Variants in TSC1 observed in about 807,000 individuals in gnomAD.
TSC1 encodes the protein hamartin.
In TSC1, 20 loss-of-function variants were observed where a neutral mutation model predicts 124.3. The observed-to-expected ratio is 0.16, with a 90% CI of 0.11 to 0.23. The LOEUF (loss-of-function observed/expected upper bound fraction) is 0.23, where lower values mean the gene tolerates loss of function less well. Among genes scored for constraint, TSC1 ranks in the 10% least tolerant of loss-of-function variants. The pLI is 1.00. For missense variants in TSC1, 1,124 were observed against 1,448.5 expected, an observed-to-expected ratio of 0.78 and a Z score of 3.64; for synonymous variants, 493 against 539.1, an observed-to-expected ratio of 0.91 and a Z score of 1.19.
intron 2 of TSC1, among the ~76,000 whole-genome samples, chr9:132,933,890 T>A (rs930430171): frequency 3.3e-5 from 5 of 152,156 alleles, no homozygotes; most frequent in African/African-American, 1.2e-4. Context: ...TGACTTTGGG[T>A]TCAAATTCAT....
chr9:132,944,395 G>C (rs1847949852), intron 1 of TSC1, 148 bp downstream of exon 1: 2 of 393,066 alleles, frequency 5.1e-6, no homozygotes, highest in Non-Finnish European at 9.0e-6. Flanking sequence ...GGAGGGGAGA[G>C]CTCTCCGAAC....
rs1333924850 is a variant in TSC1, at chr9:132,897,701, G to A, written c.2626-91C>T. ...TTGAAAAGACAATGTAAGAAGGACT[G>A]AGAAGGCATTTTAGTATACTGATAA... On this transcript the variant is annotated intron_variant, in intron 20 of 22. Transcript: ENST00000298552. 4 of 1,516,972 alleles carry A rather than the reference G, an allele frequency of 2.6e-6. No homozygotes were observed. In the African/African-American group the frequency reaches 4.2e-5, roughly 16 times the overall value. 94.0% of individuals were successfully genotyped at this position (1,516,972 alleles called of 1,614,324 possible).
Position 132,911,242 on chromosome 9 carries a change from G to C in TSC1, c.1030-129C>G, listed in dbSNP as rs552394727. On this transcript the variant is annotated intron_variant, in intron 10 of 22. Transcript: ENST00000298552. ...TAGAAAAAGGCATCTTATTAAAAGC[G>C]TATCAAGAAACAAGTTGCATTTTGT... The C allele has an allele frequency of 1.7e-5, 15 of 857,314 alleles. No homozygotes were observed. The African/African-American group carries it at 1.8e-4, about 11-fold the overall frequency. The allele number at this position is 857,314 out of a possible 1,614,324, so 53.1% of individuals were successfully genotyped here.
chr9:132,906,957 G>A lies in TSC1; in HGVS notation c.1334-122C>T. The A allele has an allele frequency of 1.2e-6, 1 of 816,106 alleles. No homozygotes were observed. The highest frequency in any genetic ancestry group is 2.1e-6 in the Non-Finnish European group (1 of 484,644). The allele number at this position is 816,106 out of a possible 1,614,324, so 50.6% of individuals were successfully genotyped here. ...TCTTCATGCTGAACAGAGAAGGCTG[G>A]ACATGGCTCTGTCCTGGGGATACTA... On this transcript the variant is annotated intron_variant, in intron 13 of 22. Coordinates refer to ENST00000298552, the MANE Select transcript of TSC1 (RefSeq NM_000368.5). This position sits in a 1 kb window ranked among gnomAD's most constrained non-coding sequence, Gnocchi z 4.1.
intron 6 of TSC1, among the ~76,000 whole-genome samples, chr9:132,922,235 C>CT (rs1441560867): frequency 6.6e-6 from 1 of 152,222 alleles, no homozygotes; most frequent in Non-Finnish European, 1.5e-5. Context: ...TCTTCCTGAT[C>CT]TAACTTCTGC....
intron 8 of TSC1, among the ~76,000 whole-genome samples, chr9:132,913,743 G>A (rs777691964): frequency 6.7e-5 from 10 of 148,706 alleles, no homozygotes; most frequent in South Asian, 2.1e-4. Context: ...GGAGAATGGC[G>A]TGAACCCAGG....
rs578163954 is a variant in TSC1 at position 132,892,906 on chromosome 9, C to A, written c.*3329G>T. ...AACAACTGCTAGAGTTTTATCTTTCCCAACAAATATACCAGAAACTATGTG... is the reference window on the plus strand; with the variant it reads ...AACAACTGCTAGAGTTTTATCTTTCACAACAAATATACCAGAAACTATGTG... On this transcript the variant is annotated 3_prime_UTR_variant, in exon 23 of 23. Coordinates refer to ENST00000298552, the MANE Select transcript of TSC1 (RefSeq NM_000368.5). 4 of 233,258 alleles carry A rather than the reference C, an allele frequency of 1.7e-5. No individual in the cohort carries two copies. In the East Asian group the frequency reaches 1.8e-4, roughly 11 times the overall value. 14.4% of individuals were successfully genotyped at this position (233,258 alleles called of 1,614,324 possible).
intron 8 of TSC1, among the ~76,000 whole-genome samples, chr9:132,914,195 C>T (rs951500315): frequency 2.6e-5 from 4 of 151,996 alleles, no homozygotes; most frequent in Non-Finnish European, 4.4e-5. Flanking sequence ...CCACTGTACC[C>T]GGCCAAGAAT....
chr9:132,940,479 C>G (rs1019070628), intron 1 of TSC1, among the ~76,000 whole-genome samples: 1 of 152,164 alleles, frequency 6.6e-6, no homozygotes, highest in Non-Finnish European at 1.5e-5. Context: ...CCCACCACCA[C>G]CAAAGTTAAG....
chr9:132,941,238 A>C (rs1847723279), intron 1 of TSC1: 2 of 152,248 alleles, frequency 1.3e-5, no homozygotes, highest in South Asian at 4.1e-4. Flanking sequence ...GTTAGCACTG[A>C]ACGAGAGAAA....
chr9:132,940,627 T>C (rs1300817441), intron 1 of TSC1: 1 of 152,210 alleles, frequency 6.6e-6, no homozygotes, highest in Admixed American at 6.5e-5. Context: ...TAAGTGACTA[T>C]AGGCAACTTA....
chr9:132,910,837 G>C, intron 11 of TSC1, 145 bp from the exon 12 acceptor site: 1 of 1,386,130 alleles, frequency 7.2e-7, no homozygotes, highest in South Asian at 1.2e-5. Context: ...TCTCTTTTTT[G>C]TTTTTAGGTT....
In TSC1 at chr9:132,919,214, G is replaced by A. The variant is rs372769290; in HGVS notation, c.737+2149C>T. Among the ~76,000 whole-genome samples, 9 of 152,160 alleles carry A rather than the reference G, an allele frequency of 5.9e-5. No homozygotes were observed. In the South Asian group the frequency reaches 6.2e-4, roughly 11 times the overall value. ...GGTAAAGATGTGGTGGTATAATCTC[G>A]CAGAACCACTATCATCTATGGAGCC... On this transcript the variant is annotated intron_variant, in intron 8 of 22. Transcript: ENST00000298552.
intron 9 of TSC1, 29 bp downstream of exon 9, chr9:132,912,253 A>C (rs1218791303): frequency 6.2e-7 from 1 of 1,613,906 alleles, no homozygotes; most frequent in East Asian, 2.2e-5. Flanking sequence ...AAAGTTGCAA[A>C]ACAGATAAGT....
Position 132,901,628 on chromosome 9 carries a change from C to A in TSC1, c.2463G>T (p.Val821=), listed in dbSNP as rs764014190. ...RIELKKANNK[V]CHTELLLSQV... ...GACTGAGCAGCAGCTCAGTGTGACACACCTTGTTGTTGGCCTTCTTCAGTT... is the reference window on the plus strand; with the variant it reads ...GACTGAGCAGCAGCTCAGTGTGACAAACCTTGTTGTTGGCCTTCTTCAGTT... The change falls in exon 19 of 23, where the codon GTG becomes GTT. Residue 821 remains valine (V), a synonymous_variant. Transcript: ENST00000298552. The A allele has an allele frequency of 6.2e-7, 1 of 1,614,162 alleles. No homozygotes were observed. The highest frequency in any genetic ancestry group is 1.1e-5 in the South Asian group (1 of 91,082).
chr9:132,944,558 C>T lies in TSC1; in HGVS notation c.-159G>A, dbSNP rs530965070. ...CCATACTCACCCACCGTCTCCTCCC[C>T]CTCAGCTGTTTACCTCACAGTCCCT... On this transcript the variant is annotated 5_prime_UTR_variant, in exon 1 of 23. Transcript: ENST00000298552. 5.0e-6 allele frequency: 2 copies of T among 398,742 alleles called. No individual in the cohort carries two copies. Among genetic ancestry groups the T allele is most frequent in the Admixed American group, 8.8e-5 (2 of 22,714 alleles). 24.7% of individuals were successfully genotyped at this position (398,742 alleles called of 1,614,324 possible). A position where few individuals can be genotyped will look rare whatever the true frequency, so the allele number is the denominator to read the frequency against.
rs766856579 is a variant in TSC1 at position 132,892,099 on chromosome 9, C to T, written c.*4136G>A. 6 of 233,124 alleles carry T rather than the reference C, an allele frequency of 2.6e-5. No homozygotes were observed. The highest frequency in any genetic ancestry group is 5.1e-5 in the Non-Finnish European group (6 of 118,024). The allele number at this position is 233,124 out of a possible 1,614,324, so 14.4% of individuals were successfully genotyped here. On this transcript the variant is annotated 3_prime_UTR_variant, in exon 23 of 23. Coordinates refer to ENST00000298552, the MANE Select transcript of TSC1 (RefSeq NM_000368.5). ...TTCCCTTGTAGCTACAGCTACTCTT[C>T]CCTCAGGCGAGCAGATAAGGACTGC...
intron 8 of TSC1, among the ~76,000 whole-genome samples, chr9:132,916,028 A>C (rs1297495354): frequency 1.3e-5 from 2 of 152,234 alleles, no homozygotes; most frequent in Non-Finnish European, 2.9e-5. Context: ...GAATCATAAT[A>C]AAAGAGGAAT....
chr9:132,908,979 A>C (rs1845809904), intron 12 of TSC1, among the ~76,000 whole-genome samples: 1 of 143,124 alleles, frequency 7.0e-6, no homozygotes. Context: ...ATCTCGACTT[A>C]CTGCAACCTC....
Sources: allele counts gnomAD v4.1 joint callset (sites outside exome capture counted in the v4.1 genomes callset), GRCh38; gene constraint gnomAD v4.1.1; non-coding constraint Gnocchi (gnomAD v3.1); transcripts MANE v1.5; gene names NCBI Gene and HGNC (gene_info 2026-07-23, HGNC 2026-07-21).